The following SEMA7A variants were observed in gnomAD, a reference collection of about 807,000 sequenced individuals.
The protein encoded by SEMA7A is semaphorin-7A.
Under a neutral mutation model 67.5 loss-of-function variants are expected in SEMA7A, and 21 were observed. That is an observed-to-expected ratio of 0.31 (90% CI 0.22 to 0.45). The LOEUF (loss-of-function observed/expected upper bound fraction) is 0.45, where lower values mean the gene tolerates loss of function less well. Among genes scored for constraint, SEMA7A ranks in the 20% least tolerant of loss-of-function variants. SEMA7A has a pLI of 1.00. For synonymous variants in SEMA7A, 364 were observed against 368.5 expected (o/e 0.99, Z 0.14); for missense variants, 774 against 908.6 (o/e 0.85, Z 1.90).
At position 74,416,654 on chromosome 15, in the gene SEMA7A, T is replaced by A; in HGVS notation, c.722A>T (p.Tyr241Phe). 1 of 1,614,026 alleles carries A rather than the reference T, an allele frequency of 6.2e-7. No individual in the cohort carries two copies. The highest frequency in any genetic ancestry group is 8.5e-7 in the Non-Finnish European group (1 of 1,179,942). Residue 241 changes from tyrosine to phenylalanine, a missense_variant, in exon 7 of 14, where the codon TAC becomes TTC. Physicochemically the swap from Tyr to Phe is conservative, Grantham distance 22. This residue lies in a region of SEMA7A where 347 missense variants were observed against 353.2 expected (regional missense o/e 0.98). Transcript: ENST00000261918. ...AGGATTGTCCTCTCGGAAGAAGTAGTAGATCTTGTCATCGTAAGCCTGGTC... is the reference window on the plus strand; with the variant it reads ...AGGATTGTCCTCTCGGAAGAAGTAGAAGATCTTGTCATCGTAAGCCTGGTC... ...HQDQAYDDKIYYFFREDNPDK... is the reference protein window; with the variant it reads ...HQDQAYDDKIFYFFREDNPDK...
In SEMA7A at chr15:74,416,709, G is replaced by C. The variant is rs757432868; in HGVS notation, c.667C>G (p.Gln223Glu). Reference sequence around the variant, plus strand: ...TGCACGATGGTGGCTTTGATGAACTGTGGGTCTGCCAGGGACAGAGGCGAG... The same window carrying C: ...TGCACGATGGTGGCTTTGATGAACTCTGGGTCTGCCAGGGACAGAGGCGAG... ...YTSDTVMQNPQFIKATIVHQD... is the reference protein window; with the variant it reads ...YTSDTVMQNPEFIKATIVHQD... Residue 223 changes from glutamine to glutamate, a missense_variant, in exon 7 of 14, where the codon CAG (glutamine) becomes GAG (glutamate). Around this residue, in one of 2 missense-constraint regions of SEMA7A, gnomAD observed 347 missense variants for 353.2 expected, o/e 0.98. Transcript: ENST00000261918. 4 of 1,614,056 alleles carry C rather than the reference G, an allele frequency of 2.5e-6. No homozygotes were observed. The highest frequency in any genetic ancestry group is 2.2e-5 in the South Asian group (2 of 91,078).
intron 1 of SEMA7A, chr15:74,433,449 C>A (rs2061109539): frequency 2.8e-6 from 2 of 705,386 alleles, no homozygotes; most frequent in South Asian, 6.8e-5. Context: ...GGCCCGCCCC[C>A]TCCCCTGGCG....
chr15:74,419,634 G>A (rs986579427), intron 1 of SEMA7A, among the ~76,000 whole-genome samples: 3 of 152,166 alleles, frequency 2.0e-5, no homozygotes, highest in Admixed American at 2.0e-4. Flanking sequence ...GCACACGGAA[G>A]CAGGTCAGTA....
At position 74,411,237 on chromosome 15, in the gene SEMA7A, G is replaced by C; in HGVS notation, c.1639+58C>G. ...TGTCTCCCTCAGACCAGGACAATCA[G>C]GGCAGGGCAGTACCCCACTCATTGG... On this transcript the variant is annotated intron_variant, in intron 13 of 13. Coordinates refer to ENST00000261918, the MANE Select transcript of SEMA7A (RefSeq NM_003612.5). The surrounding 1 kb of genome is among the most constrained non-coding windows in gnomAD (Gnocchi z 4.4). The C allele has an allele frequency of 6.4e-7, 1 of 1,560,468 alleles. No homozygotes were observed. The highest frequency in any genetic ancestry group is 8.8e-7 in the Non-Finnish European group (1 of 1,138,368).
chr15:74,412,355 C>A (rs573306957), intron 10 of SEMA7A, among the ~76,000 whole-genome samples: 5 of 152,246 alleles, frequency 3.3e-5, no homozygotes, highest in African/African-American at 1.2e-4. Flanking sequence ...CCCTCCACAG[C>A]CCTGCGAGGT....
chr15:74,415,046 C>T (rs913830557), intron 8 of SEMA7A, 100 bp from the exon 9 acceptor site: 34 of 911,954 alleles, frequency 3.7e-5, no homozygotes, highest in Non-Finnish European at 6.0e-5. Flanking sequence ...AGTTGCCAAC[C>T]ACCACTGAAA....
intron 2 of SEMA7A, among the ~76,000 whole-genome samples, chr15:74,418,521 G>T (rs2060972167): frequency 6.6e-6 from 1 of 152,226 alleles, no homozygotes; most frequent in Non-Finnish European, 1.5e-5. Flanking sequence ...CAGAAGACCA[G>T]GCATGGGCTC....
At position 74,423,324 on chromosome 15, in the gene SEMA7A, C is replaced by T. The variant is rs914190996; in HGVS notation, c.179-4372G>A. On this transcript the variant is annotated intron_variant, in intron 1 of 13. Coordinates refer to ENST00000261918, the MANE Select transcript of SEMA7A (RefSeq NM_003612.5). The surrounding 1 kb of genome is among the most constrained non-coding windows in gnomAD (Gnocchi z 4.1). The stretch of plus-strand genomic sequence containing the variant: ...GCCTAGGAATTAGCCTGCAGCCTCT[C>T]CACCCTTTGGAATCCCACATCCACA... Among the ~76,000 whole-genome samples the T allele has an allele frequency of 2.6e-5, 4 of 152,162 alleles. No individual in the cohort carries two copies. Among genetic ancestry groups the T allele is most frequent in the African/African-American group, 9.7e-5 (4 of 41,438 alleles).
In SEMA7A at chr15:74,411,329, G is replaced by A. The variant is rs757593276; in HGVS notation, c.1605C>T (p.Ala535=). ...GGTTGGGACACTCCTTGTGTGGCTC[G>A]GCTGGATTAATGGATTGCAGCACTG... ...ERSVLQSINP[A]EPHKECPNPK... Residue 535 remains alanine, a synonymous_variant, in exon 13 of 14, where the codon GCC becomes GCT. Transcript: ENST00000261918. The surrounding 1 kb of genome is among the most constrained non-coding windows in gnomAD (Gnocchi z 4.4). 67 of 1,613,824 alleles carry A rather than the reference G, an allele frequency of 4.2e-5. No homozygotes were observed. The highest frequency in any genetic ancestry group is 1.1e-4 in the African/African-American group (8 of 74,896).
chr15:74,413,555 C>A (rs1281575813), intron 10 of SEMA7A, among the ~76,000 whole-genome samples: 3 of 152,184 alleles, frequency 2.0e-5, no homozygotes, highest in Non-Finnish European at 4.4e-5. Context: ...GCCCTGCCAT[C>A]CCTGGCTGAC....
chr15:74,416,706 A>C lies in SEMA7A; in HGVS notation c.670T>G (p.Phe224Val). ...TGGTGCACGATGGTGGCTTTGATGA[A>C]CTGTGGGTCTGCCAGGGACAGAGGC... The part of the protein sequence containing the change: ...TSDTVMQNPQ[F>V]IKATIVHQDQ... Residue 224 changes from phenylalanine (F) to valine (V), a missense_variant, in exon 7 of 14, where the codon TTC becomes GTC. Coordinates refer to ENST00000261918, the MANE Select transcript of SEMA7A (RefSeq NM_003612.5). The C allele has an allele frequency of 6.2e-7, 1 of 1,614,032 alleles. No individual in the cohort carries two copies. Among genetic ancestry groups the C allele is most frequent in the South Asian group, 1.1e-5 (1 of 91,074 alleles).
At chr15:74,433,567 C>T in intron 1 of SEMA7A, 174 bp downstream of exon 1, 1 of 1,222,332 alleles carries the variant, frequency 8.2e-7, no homozygotes, top group East Asian at 3.3e-5. Flanking sequence ...GGTGTGCCAG[C>T]GTGTACACTC....
Position 74,427,793 on chromosome 15 carries a change from G to A in SEMA7A, c.178+5948C>T, listed in dbSNP as rs117211084. Among the ~76,000 whole-genome samples the A allele has an allele frequency of 3.0e-4, 46 of 152,256 alleles. No homozygotes were observed. The East Asian group carries it at 7.5e-3, about 25-fold the overall frequency. On this transcript the variant is annotated intron_variant, in intron 1 of 13. Coordinates refer to ENST00000261918, the MANE Select transcript of SEMA7A (RefSeq NM_003612.5). ...CCTGTCACAGTCCTAGGCTACATCT[G>A]CAGGTCATTCCTGACCTCCCCAGGG...
intron 1 of SEMA7A, among the ~76,000 whole-genome samples, chr15:74,426,023 G>A (rs991931010): frequency 6.6e-6 from 1 of 152,142 alleles, no homozygotes; most frequent in Non-Finnish European, 1.5e-5. Context: ...CCATAATCCC[G>A]GCGCTTTGGG....
intron 1 of SEMA7A, among the ~76,000 whole-genome samples, chr15:74,420,197 C>T (rs1017041591): frequency 6.6e-6 from 1 of 152,224 alleles, no homozygotes; most frequent in Non-Finnish European, 1.5e-5. Context: ...CTGCATTTAA[C>T]AGGGGCAAGG....
chr15:74,418,775 G>C, intron 2 of SEMA7A, 26 bp downstream of exon 2: 2 of 1,609,738 alleles, frequency 1.2e-6, no homozygotes, highest in Middle Eastern at 1.7e-4. Context: ...GGGTAGGGGG[G>C]GTGTTGGGGG....
chr15:74,418,914 C>T lies in SEMA7A; in HGVS notation c.217G>A (p.Glu73Lys), dbSNP rs1434899314. The T allele has an allele frequency of 6.2e-7, 1 of 1,613,802 alleles. No individual in the cohort carries two copies. Among genetic ancestry groups the T allele is most frequent in the Admixed American group, 1.7e-5 (1 of 60,032 alleles). The part of the protein sequence containing the change: ...GQDRVDFGQT[E>K]PHTVLFHEPG... ...TCGTGGAAAAGCACCGTGTGCGGCT[C>T]AGTCTGGCCAAAGTCCACCCGGTCC... Residue 73 changes from glutamate to lysine, a missense_variant, in exon 2 of 14, where the codon GAG (glutamate) becomes AAG (lysine). Coordinates refer to ENST00000261918, the MANE Select transcript of SEMA7A (RefSeq NM_003612.5).
rs745907850 is a variant in SEMA7A at position 74,411,981 on chromosome 15, C to A, written c.1326G>T (p.Pro442=). ...DRGTIHKVVE[P]GEQEHSFAFN... ...AGGCGAAGCTGTGCTCCTGCTCCCCCGGTTCCACCACCTTGTGGATAGTGC... is the reference window on the plus strand; with the variant it reads ...AGGCGAAGCTGTGCTCCTGCTCCCCAGGTTCCACCACCTTGTGGATAGTGC... The change falls in exon 11 of 14, where the codon CCG becomes CCT. Residue 442 remains proline (P), a synonymous_variant. Coordinates refer to ENST00000261918, the MANE Select transcript of SEMA7A (RefSeq NM_003612.5). The surrounding 1 kb of genome is among the most constrained non-coding windows in gnomAD (Gnocchi z 4.4). 9.9e-6 allele frequency: 16 copies of A among 1,613,872 alleles called. No individual in the cohort carries two copies. Among genetic ancestry groups the A allele is most frequent in the East Asian group, 2.2e-5 (1 of 44,898 alleles).
Position 74,409,958 on chromosome 15 carries a change from T to C in SEMA7A, c.*666A>G, listed in dbSNP as rs2060885671. 3.0e-5 allele frequency: 1 copy of C among 32,804 alleles called. No individual in the cohort carries two copies. The highest frequency in any genetic ancestry group is 4.6e-4 in the Admixed American group (1 of 2,170). 2.0% of individuals were successfully genotyped at this position (32,804 alleles called of 1,614,324 possible). A position where few individuals can be genotyped will look rare whatever the true frequency, so the allele number is the denominator to read the frequency against. ...CCTTTCCCACCCACCCCCCCGCATG[T>C]AGTTTTGGTATTTTCATACAGATGC... On this transcript the variant is annotated 3_prime_UTR_variant, in exon 14 of 14. Coordinates refer to ENST00000261918, the MANE Select transcript of SEMA7A (RefSeq NM_003612.5).
Sources: allele counts gnomAD v4.1 joint callset (sites outside exome capture counted in the v4.1 genomes callset), GRCh38; gene constraint gnomAD v4.1.1; regional missense constraint gnomAD v4.1.1; non-coding constraint Gnocchi (gnomAD v3.1); transcripts MANE v1.5; gene names NCBI Gene and HGNC (gene_info 2026-07-23, HGNC 2026-07-21).